The following PACSIN3 variants were observed in gnomAD, a reference collection of about 807,000 sequenced individuals.
PACSIN3 encodes the protein protein kinase C and casein kinase substrate in neurons protein 3.
A neutral mutation model predicts 56.1 loss-of-function variants in PACSIN3; 34 were observed. The ratio of observed to expected loss-of-function variants is 0.61; its 90% CI spans 0.46 to 0.81. PACSIN3 has a LOEUF of 0.81. Among genes scored for constraint, PACSIN3 ranks in the 30% least tolerant of loss-of-function variants. The probability of loss-of-function intolerance (pLI) is 0.00; values close to 1 mark genes in which losing one functional copy is unlikely to be tolerated. For synonymous variants in PACSIN3, 218 were observed against 229.8 expected, an observed-to-expected ratio of 0.95 and a Z score of 0.46; for missense variants, 535 against 592.4, an observed-to-expected ratio of 0.90 and a Z score of 1.01.
chr11:47,185,464 G>GA (rs996759541), intron 1 of PACSIN3: 25 of 152,650 alleles, frequency 1.6e-4, no homozygotes, highest in African/African-American at 5.5e-4. Context: ...GAGCGGGGGG[G>GA]AGGGGAGGGG....
At position 47,177,886 on chromosome 11, in the gene PACSIN3, T is replaced by C; in HGVS notation, c.*45A>G. 6.8e-7 allele frequency: 1 copy of C among 1,466,534 alleles called. No homozygotes were observed. Among genetic ancestry groups the C allele is most frequent in the Non-Finnish European group, 9.6e-7 (1 of 1,045,968 alleles). The allele number at this position is 1,466,534 out of a possible 1,614,324, so 90.8% of individuals were successfully genotyped here. A position where few individuals can be genotyped will look rare whatever the true frequency, so the allele number is the denominator to read the frequency against. On this transcript the variant is annotated 3_prime_UTR_variant, in exon 11 of 11. Coordinates refer to ENST00000298838, the MANE Select transcript of PACSIN3 (RefSeq NM_016223.5). ...TCCGGCTCTCCAGGAGAAGCTGGGC[T>C]CTGAACCAGGGTGGGTAAACGTTGC...
chr11:47,180,647 G>T lies in PACSIN3; in HGVS notation c.255C>A (p.Phe85Leu). The T allele has an allele frequency of 6.2e-7, 1 of 1,603,670 alleles. No homozygotes were observed. The stretch of plus-strand genomic sequence containing the variant: ...GCGCGCTCAGCCGCTCAGCCGCCGT[G>T]AAAAAGGCATGCCAGGCCTTCTCCA... ...GTLEKAWHAF[F>L]TAAERLSALH... is the part of the protein sequence containing the mutation. The change falls in exon 5 of 11, where the codon TTC becomes TTA. Residue 85 changes from phenylalanine to leucine, a missense_variant. Coordinates refer to ENST00000298838, the MANE Select transcript of PACSIN3 (RefSeq NM_016223.5).
At chr11:47,181,904 G>A (rs1295531592) in intron 4 of PACSIN3, among the ~76,000 whole-genome samples, 2 of 152,144 alleles carry the variant, frequency 1.3e-5, no homozygotes, top group Non-Finnish European at 2.9e-5. Flanking sequence ...TGTAATCCCA[G>A]CACTTGGGGA....
rs1355809616 is a variant in PACSIN3 at position 47,186,375 on chromosome 11, G to A, written c.-130C>T. On this transcript the variant is annotated 5_prime_UTR_variant, in exon 1 of 11. Transcript: ENST00000298838. The surrounding 1 kb of genome is among the most constrained non-coding windows in gnomAD (Gnocchi z 4.5). ...GCGTCCTCCCTGGGCCCCTCGGCGG[G>A]TGGGGGTCCGGCCACGCTCCGGCCC... is the stretch of plus-strand genomic sequence containing the variant. 6.6e-6 allele frequency: 1 copy of A among 151,388 alleles called. No individual in the cohort carries two copies. Among genetic ancestry groups the A allele is most frequent in the African/African-American group, 2.4e-5 (1 of 41,330 alleles). 9.4% of individuals were successfully genotyped at this position (151,388 alleles called of 1,614,324 possible). A position where few individuals can be genotyped will look rare whatever the true frequency, so the allele number is the denominator to read the frequency against.
At chr11:47,182,928 C>T in intron 2 of PACSIN3, 76 bp downstream of exon 2, 1 of 522,756 alleles carries the variant, frequency 1.9e-6, no homozygotes, top group Non-Finnish European at 3.3e-6. Flanking sequence ...CTAAGAAGGG[C>T]CAGGATGGGT....
rs527666101 is a variant in PACSIN3 at position 47,178,707 on chromosome 11, G to C, written c.1037+187C>G. ...TTAAGGCATAAACGAGAGGGAATGT[G>C]GGAAATGCCCAGCAAATCTAAACCA... On this transcript the variant is annotated intron_variant, in intron 9 of 10. Coordinates refer to ENST00000298838, the MANE Select transcript of PACSIN3 (RefSeq NM_016223.5). This position sits in a 1 kb window ranked among gnomAD's most constrained non-coding sequence, Gnocchi z 4.2. 1.3e-5 allele frequency among the ~76,000 whole-genome samples: 2 copies of C among 152,304 alleles called. No individual in the cohort carries two copies. Among genetic ancestry groups the C allele is most frequent in the East Asian group, 3.9e-4 (2 of 5,178 alleles).
At chr11:47,183,314 T>C (rs1049873694) in intron 1 of PACSIN3, 8 of 152,350 alleles carry the variant, frequency 5.3e-5, no homozygotes, top group Non-Finnish European at 1.0e-4. Context: ...TGCCTTCCCT[T>C]GAGTGACAAG....
chr11:47,178,639 C>T lies in PACSIN3; in HGVS notation c.1038-152G>A. 9.1e-7 allele frequency: 1 copy of T among 1,100,954 alleles called. No individual in the cohort carries two copies. Among genetic ancestry groups the T allele is most frequent in the Non-Finnish European group, 1.3e-6 (1 of 787,566 alleles). The allele number at this position is 1,100,954 out of a possible 1,614,324, so 68.2% of individuals were successfully genotyped here. A position where few individuals can be genotyped will look rare whatever the true frequency, so the allele number is the denominator to read the frequency against. ...AGATTCTAGCTCTACCTCGCCATGC[C>T]CGACTGTGAGCAAAGAGGCAATTCC... is the stretch of plus-strand genomic sequence containing the variant. On this transcript the variant is annotated intron_variant, in intron 9 of 10. Coordinates refer to ENST00000298838, the MANE Select transcript of PACSIN3 (RefSeq NM_016223.5). The surrounding 1 kb of genome is among the most constrained non-coding windows in gnomAD (Gnocchi z 4.2).
In PACSIN3 at chr11:47,178,490, G is replaced by T; in HGVS notation, c.1038-3C>A. On this transcript the variant is annotated splice_region_variant and splice_polypyrimidine_tract_variant and intron_variant, in intron 9 of 10. Transcript: ENST00000298838. This position sits in a 1 kb window ranked among gnomAD's most constrained non-coding sequence, Gnocchi z 4.2. ...ACCACTCCTCATCCTGCCCCGTGCT[G>T]GAGAGGGGAGGCAAAGGGAGCAGCT... The T allele has an allele frequency of 6.2e-7, 1 of 1,613,264 alleles. No homozygotes were observed. Among genetic ancestry groups the T allele is most frequent in the Non-Finnish European group, 8.5e-7 (1 of 1,179,774 alleles).
intron 4 of PACSIN3, among the ~76,000 whole-genome samples, chr11:47,181,240 T>A (rs376461232): frequency 3.3e-5 from 5 of 151,434 alleles, no homozygotes; most frequent in African/African-American, 1.2e-4. Flanking sequence ...CCAGCCTAGG[T>A]GACAGAGCGA....
At chr11:47,184,489 C>T (rs951288288) in intron 1 of PACSIN3, 1 of 152,206 alleles carries the variant, frequency 6.6e-6, no homozygotes, top group Admixed American at 6.5e-5. Context: ...ATTTGTGTGT[C>T]CCCACGCGCT....
Position 47,178,252 on chromosome 11 carries a change from G to A in PACSIN3, c.1159+114C>T. The A allele has an allele frequency of 1.4e-6, 2 of 1,425,304 alleles. No individual in the cohort carries two copies. Among genetic ancestry groups the A allele is most frequent in the Middle Eastern group, 1.8e-4 (1 of 5,528 alleles). 88.3% of individuals were successfully genotyped at this position (1,425,304 alleles called of 1,614,324 possible). A position where few individuals can be genotyped will look rare whatever the true frequency, so the allele number is the denominator to read the frequency against. ...GCACCAGCTATCTGGACCTGGAACA[G>A]CTGAAGGGACAGAGGACTGGCCCTT... is the stretch of plus-strand genomic sequence containing the variant. On this transcript the variant is annotated intron_variant, in intron 10 of 10. Transcript: ENST00000298838. This position sits in a 1 kb window ranked among gnomAD's most constrained non-coding sequence, Gnocchi z 4.2.
chr11:47,178,725 CT>C lies in PACSIN3; in HGVS notation c.1037+168del, dbSNP rs1952948884. On this transcript the variant is annotated intron_variant, in intron 9 of 10. Coordinates refer to ENST00000298838, the MANE Select transcript of PACSIN3 (RefSeq NM_016223.5). The surrounding 1 kb of genome is among the most constrained non-coding windows in gnomAD (Gnocchi z 4.2). The stretch of plus-strand genomic sequence containing the variant: ...GGAATGTGGGAAATGCCCAGCAAAT[CT>C]AAACCACTATGAGAACCAGTATCAT... Among the ~76,000 whole-genome samples the C allele has an allele frequency of 6.6e-6, 1 of 152,214 alleles. No individual in the cohort carries two copies. The highest frequency in any genetic ancestry group is 2.4e-5 in the African/African-American group (1 of 41,462).
intron 1 of PACSIN3, among the ~76,000 whole-genome samples, chr11:47,184,876 C>G (rs1953090829): frequency 6.6e-6 from 1 of 152,220 alleles, no homozygotes. Flanking sequence ...TGCCCCCCAC[C>G]CCTTCCCTCT....
At chr11:47,182,591 G>C in intron 3 of PACSIN3, 32 bp from the exon 4 acceptor site, 1 of 1,604,792 alleles carries the variant, frequency 6.2e-7, no homozygotes, top group African/African-American at 1.3e-5. Context: ...GCCATCACCA[G>C]GGAGAAGCTT....
chr11:47,180,133 T>C (rs1952985901), intron 6 of PACSIN3, 53 bp downstream of exon 6: 2 of 1,542,264 alleles, frequency 1.3e-6, no homozygotes, highest in Admixed American at 1.7e-5. Flanking sequence ...GCAAGATTCA[T>C]TCAGGAAGCC....
intron 4 of PACSIN3, among the ~76,000 whole-genome samples, chr11:47,181,546 G>C (rs184888037): frequency 1.3e-5 from 2 of 152,140 alleles, no homozygotes; most frequent in African/African-American, 4.8e-5. Context: ...AATCCAGGCC[G>C]GGCACGGTGG....
chr11:47,182,278 G>A (rs1953040223), intron 4 of PACSIN3, 125 bp downstream of exon 4: 1 of 879,258 alleles, frequency 1.1e-6, no homozygotes, highest in Non-Finnish European at 1.7e-6. Flanking sequence ...TGACCAGGAG[G>A]ATCTTCCCTT....
rs753542803 is a variant in PACSIN3, at chr11:47,179,206, G to A, written c.853C>T (p.Arg285Cys). Residue 285 changes from arginine (R) to cysteine (C), a missense_variant, in exon 8 of 11, where the codon CGC becomes TGC. Coordinates refer to ENST00000298838, the MANE Select transcript of PACSIN3 (RefSeq NM_016223.5). The surrounding 1 kb of genome is among the most constrained non-coding windows in gnomAD (Gnocchi z 4.4). Reference protein sequence around the residue: ...ASDEEDLRWWRSTHGPGMAMN... With the variant: ...ASDEEDLRWWCSTHGPGMAMN... Reference sequence around the variant, plus strand: ...GCCATGCCTGGCCCGTGGGTGCTGCGCCACCAGCGCAGATCCTCTTCGTCA... The same window carrying A: ...GCCATGCCTGGCCCGTGGGTGCTGCACCACCAGCGCAGATCCTCTTCGTCA... 20 of 1,613,754 alleles carry A rather than the reference G, an allele frequency of 1.2e-5. No individual in the cohort carries two copies. The highest frequency in any genetic ancestry group is 1.5e-5 in the Non-Finnish European group (18 of 1,180,026).
Sources: gnomAD v4.1 joint callset for allele counts (sites outside exome capture counted in the v4.1 genomes callset) on GRCh38, gnomAD v4.1.1 for gene constraint, Gnocchi (gnomAD v3.1) non-coding constraint, MANE v1.5 for transcripts, NCBI Gene and HGNC (gene_info 2026-07-23, HGNC 2026-07-21) for gene names.